Variants in DDAH1 observed in about 807,000 individuals in gnomAD.
DDAH1 encodes the protein N(G),N(G)-dimethylarginine dimethylaminohydrolase 1.
DDAH1 carries 19 observed loss-of-function variants against 28.8 expected under a neutral mutation model. The observed-to-expected ratio is 0.66, with a 90% confidence interval of 0.46 to 0.97. The LOEUF is 0.97. Ranked by LOEUF, DDAH1 falls within the 50% of genes least tolerant of loss-of-function variation. The pLI is 0.00. For missense variants in DDAH1, 326 were observed against 375.9 expected, an observed-to-expected ratio of 0.87 and a Z score of 1.10; for synonymous variants, 153 against 154.4, an observed-to-expected ratio of 0.99 and a Z score of 0.07.
At chr1:85,386,375 G>A (rs1305801015) in intron 1 of DDAH1, among the ~76,000 whole-genome samples, 2 of 152,202 alleles carry the variant, frequency 1.3e-5, no homozygotes, top group Admixed American at 1.3e-4. Flanking sequence ...CAAAAGGGAG[G>A]AATTGGACAA....
chr1:85,513,632 G>A lies in DDAH1; in HGVS notation c.-122-17351C>T, dbSNP rs572654922. Among the ~76,000 whole-genome samples the A allele has an allele frequency of 3.3e-5, 5 of 151,942 alleles. No individual in the cohort carries two copies. The South Asian group carries it at 1.0e-3, about 32-fold the overall frequency. ...CAAAGGGCTAATATCCAGAATCTGT[G>A]ATGAACTCAAACAAATTTACAAGAA... is the stretch of plus-strand genomic sequence containing the variant. On this transcript the variant is annotated intron_variant, in intron 1 of 6. Coordinates refer to the DDAH1 transcript ENST00000426972.
chr1:85,492,619 A>C (rs1656446072), intron 2 of DDAH1, among the ~76,000 whole-genome samples: 1 of 152,190 alleles, frequency 6.6e-6, no homozygotes, highest in Admixed American at 6.6e-5. Context: ...CATTTATAAA[A>C]TAATGAACAT....
chr1:85,334,331 TAGAC>T lies in DDAH1; in HGVS notation c.598-9452_598-9449del, dbSNP rs537349216. Among the ~76,000 whole-genome samples the T allele has an allele frequency of 1.3e-4, 20 of 152,202 alleles. No individual in the cohort carries two copies. The South Asian group carries it at 3.7e-3, about 28-fold the overall frequency. On this transcript the variant is annotated intron_variant, in intron 4 of 5. Coordinates refer to ENST00000284031, the MANE Select transcript of DDAH1 (RefSeq NM_012137.4). The stretch of plus-strand genomic sequence containing the variant: ...CTTTCCTTTATAAATTACCCAGTCT[TAGAC>T]AGTTCTTTAAAGCAGTATGAAAACG...
intron 2 of DDAH1, among the ~76,000 whole-genome samples, chr1:85,489,996 T>A (rs551503921): frequency 6.6e-6 from 1 of 152,192 alleles, no homozygotes; most frequent in Non-Finnish European, 1.5e-5. Flanking sequence ...TTCCCAAATA[T>A]GATCTCATTT....
chr1:85,489,845 G>A (rs1656326826), intron 2 of DDAH1, among the ~76,000 whole-genome samples: 1 of 152,124 alleles, frequency 6.6e-6, no homozygotes, highest in African/African-American at 2.4e-5. Flanking sequence ...AAGACATTAG[G>A]TAATGAGTTG....
At chr1:85,322,818 CA>C (rs1187105275) in intron 5 of DDAH1, among the ~76,000 whole-genome samples, 7 of 152,098 alleles carry the variant, frequency 4.6e-5, no homozygotes, top group African/African-American at 1.4e-4. Context: ...ACGGCTGAAT[CA>C]GGGGGGCAGT....
intron 2 of DDAH1, among the ~76,000 whole-genome samples, chr1:85,490,483 T>G (rs1656354565): frequency 6.6e-6 from 1 of 152,216 alleles, no homozygotes; most frequent in Non-Finnish European, 1.5e-5. Context: ...GTTCAATGTC[T>G]TAAATAAACC....
At chr1:85,566,802 G>A (rs572966111) in intron 1 of DDAH1, among the ~76,000 whole-genome samples, 4 of 152,248 alleles carry the variant, frequency 2.6e-5, no homozygotes, top group East Asian at 1.9e-4. Flanking sequence ...ATGTGTGTAC[G>A]TGTGTGTATG....
intron 4 of DDAH1, among the ~76,000 whole-genome samples, chr1:85,326,162 A>G (rs1283901096): frequency 1.3e-5 from 2 of 152,224 alleles, no homozygotes; most frequent in African/African-American, 4.8e-5. Context: ...CTCACCAGTC[A>G]GGTAAATCAT....
chr1:85,410,065 G>A (rs979262620), intron 1 of DDAH1, among the ~76,000 whole-genome samples: 4 of 151,964 alleles, frequency 2.6e-5, no homozygotes, highest in African/African-American at 9.7e-5. Context: ...AGGATCACTT[G>A]AGCCCAGGAG....
chr1:85,548,350 C>T (rs1658687758), intron 1 of DDAH1, among the ~76,000 whole-genome samples: 1 of 152,104 alleles, frequency 6.6e-6, no homozygotes, highest in Non-Finnish European at 1.5e-5. Context: ...AACTAACTCA[C>T]CCTTTAGTTT....
chr1:85,491,651 C>CT (rs113238316), intron 2 of DDAH1, among the ~76,000 whole-genome samples: 25 of 152,276 alleles, frequency 1.6e-4, no homozygotes, highest in African/African-American at 5.3e-4. Context: ...AGCAAATTCT[C>CT]TTTTTTTGTG....
At chr1:85,345,334 ATTT>A (rs34721625) in intron 4 of DDAH1, among the ~76,000 whole-genome samples, 15 of 146,346 alleles carry the variant, frequency 1.0e-4, no homozygotes, top group South Asian at 6.5e-4. Flanking sequence ...GTCTTACATT[ATTT>A]TTTTTTTTTT....
At chr1:85,485,512 C>A (rs1483723538) in intron 2 of DDAH1, among the ~76,000 whole-genome samples, 1 of 152,112 alleles carries the variant, frequency 6.6e-6, no homozygotes, top group East Asian at 1.9e-4. Context: ...TCATTTTTAT[C>A]CCCAAACTTT....
At chr1:85,415,161 C>T (rs949388911) in intron 1 of DDAH1, among the ~76,000 whole-genome samples, 1 of 151,840 alleles carries the variant, frequency 6.6e-6, no homozygotes, top group South Asian at 2.1e-4. Context: ...ATTACAGGTG[C>T]CTGACACCAC....
chr1:85,563,782 T>C (rs1366214526), intron 1 of DDAH1, among the ~76,000 whole-genome samples: 1 of 152,228 alleles, frequency 6.6e-6, no homozygotes, highest in African/African-American at 2.4e-5. Context: ...TTTAACTATA[T>C]TCCATATATT....
intron 2 of DDAH1, among the ~76,000 whole-genome samples, chr1:85,352,353 C>A (rs1409058941): frequency 6.6e-6 from 1 of 152,090 alleles, no homozygotes; most frequent in Non-Finnish European, 1.5e-5. Flanking sequence ...TCCAGGATAG[C>A]CTCCAGCCAC....
intron 1 of DDAH1, among the ~76,000 whole-genome samples, chr1:85,362,456 T>C (rs1235252227): frequency 6.6e-6 from 1 of 152,182 alleles, no homozygotes; most frequent in Non-Finnish European, 1.5e-5. Flanking sequence ...TCTCCTTCCT[T>C]ACCCTTCCCT....
At chr1:85,525,120 A>C (rs1442635406) in intron 1 of DDAH1, among the ~76,000 whole-genome samples, 1 of 151,824 alleles carries the variant, frequency 6.6e-6, no homozygotes, top group Non-Finnish European at 1.5e-5. Context: ...AAGAGAGAAC[A>C]TCACAGGCTA....
Sources: gnomAD v4.1 joint callset for allele counts (sites outside exome capture counted in the v4.1 genomes callset) on GRCh38, gnomAD v4.1.1 for gene constraint, MANE v1.5 for transcripts, NCBI Gene and HGNC (gene_info 2026-07-23, HGNC 2026-07-21) for gene names.